The following GALNTL6 variants were observed in gnomAD, a reference collection of about 807,000 sequenced individuals.
GALNTL6 encodes polypeptide N-acetylgalactosaminyltransferase-like 6.
GALNTL6 carries 46 observed loss-of-function variants against 73.7 expected under a neutral mutation model. The observed-to-expected ratio is 0.62, with a 90% confidence interval of 0.49 to 0.80. The LOEUF (loss-of-function observed/expected upper bound fraction) is 0.80. Among genes scored for constraint, GALNTL6 ranks in the 30% least tolerant of loss-of-function variants. The probability of loss-of-function intolerance (pLI) is 0.00; values close to 1 mark genes in which losing one functional copy is unlikely to be tolerated. For synonymous variants in GALNTL6, 259 were observed against 263.7 expected (o/e 0.98, Z 0.17); for missense variants, 604 against 755.0 (o/e 0.80, Z 2.34).
intron 5 of GALNTL6, among the ~76,000 whole-genome samples, chr4:172,655,487 C>G (rs980124325): frequency 6.6e-6 from 1 of 152,132 alleles, no homozygotes; most frequent in Non-Finnish European, 1.5e-5. Flanking sequence ...TTTGATTAGG[C>G]ATTTTTATTA....
At chr4:172,178,728 A>G (rs1263993088) in intron 2 of GALNTL6, among the ~76,000 whole-genome samples, 37 of 137,584 alleles carry the variant, frequency 2.7e-4, no homozygotes, top group African/African-American at 1.0e-3. Context: ...ATATGTATAC[A>G]TGTGCCATGC....
chr4:172,514,180 C>G (rs1367001532), intron 5 of GALNTL6, among the ~76,000 whole-genome samples: 1 of 152,142 alleles, frequency 6.6e-6, no homozygotes, highest in Non-Finnish European at 1.5e-5. Context: ...GAGATTATGT[C>G]TTTTGTCTTC....
At chr4:172,699,812 AG>A (rs1326195706) in intron 5 of GALNTL6, among the ~76,000 whole-genome samples, 4 of 150,162 alleles carry the variant, frequency 2.7e-5, no homozygotes, top group Admixed American at 2.0e-4. Context: ...TATTACAAAA[AG>A]AAAAAGAAAA....
At chr4:171,990,837 G>A (rs1368959210) in intron 2 of GALNTL6, among the ~76,000 whole-genome samples, 1 of 152,118 alleles carries the variant, frequency 6.6e-6, no homozygotes, top group Non-Finnish European at 1.5e-5. Flanking sequence ...AAATTTGAAA[G>A]CAAATATTGT....
chr4:172,836,297 A>G (rs532848479), intron 7 of GALNTL6, among the ~76,000 whole-genome samples: 1 of 152,372 alleles, frequency 6.6e-6, no homozygotes, highest in South Asian at 2.1e-4. Flanking sequence ...TGACTACCAC[A>G]GCCAGGAAAG....
At chr4:172,117,984 G>A (rs116683644) in intron 2 of GALNTL6, among the ~76,000 whole-genome samples, 4,305 of 152,186 alleles carry the variant, frequency 0.028, 187 homozygotes, top group African/African-American at 0.096. Context: ...TGACACCCTA[G>A]GGTTATGGGT....
intron 5 of GALNTL6, among the ~76,000 whole-genome samples, chr4:172,670,874 C>T (rs1013475129): frequency 8.5e-5 from 13 of 152,068 alleles, no homozygotes; most frequent in African/African-American, 3.1e-4. Flanking sequence ...ATATGGCTAC[C>T]CAGTTATCCC....
At chr4:172,069,388 CAT>C (rs1241969338) in intron 2 of GALNTL6, among the ~76,000 whole-genome samples, 1 of 96,652 alleles carries the variant, frequency 1.0e-5, no homozygotes, top group Non-Finnish European at 2.2e-5. Flanking sequence ...TGTGTGTGTA[CAT>C]ATGTGTTATA....
In GALNTL6 at chr4:172,437,270, A is replaced by G. The variant is rs548471260; in HGVS notation, c.553+88581A>G. The stretch of plus-strand genomic sequence containing the variant: ...AAGGTTGTTAAAGCATAGTACTTAA[A>G]ACTGAACAGAAAGTTCAAGGTGAAT... On this transcript the variant is annotated intron_variant, in intron 5 of 12. Coordinates refer to ENST00000506823, the MANE Select transcript of GALNTL6 (RefSeq NM_001034845.3). Among the ~76,000 whole-genome samples, 47 of 152,250 alleles carry G rather than the reference A, an allele frequency of 3.1e-4. No individual in the cohort carries two copies. The South Asian group carries it at 9.1e-3, about 30-fold the overall frequency.
At chr4:172,623,323 C>T (rs1387701460) in intron 5 of GALNTL6, among the ~76,000 whole-genome samples, 1 of 151,890 alleles carries the variant, frequency 6.6e-6, no homozygotes, top group Non-Finnish European at 1.5e-5. Flanking sequence ...GAACTATGTG[C>T]TCTTTAAACT....
Position 172,619,047 on chromosome 4 carries a change from A to C in GALNTL6, c.554-190314A>C, listed in dbSNP as rs190747723. Among the ~76,000 whole-genome samples the C allele has an allele frequency of 2.4e-4, 36 of 152,254 alleles. 1 individual carries two copies. The East Asian group carries it at 4.1e-3, about 17-fold the overall frequency. Reference sequence around the variant, plus strand: ...AATCACTAATTTTTTTTAGTGGCCCAGTGTCTCCCTCTCTCTTCTTGGCTT... The same window carrying C: ...AATCACTAATTTTTTTTAGTGGCCCCGTGTCTCCCTCTCTCTTCTTGGCTT... On this transcript the variant is annotated intron_variant, in intron 5 of 12. Coordinates refer to ENST00000506823, the MANE Select transcript of GALNTL6 (RefSeq NM_001034845.3).
chr4:172,500,825 T>C (rs1321781154), intron 5 of GALNTL6, among the ~76,000 whole-genome samples: 3 of 152,166 alleles, frequency 2.0e-5, no homozygotes, highest in East Asian at 3.9e-4. Context: ...TATTTGACGG[T>C]TGAAGCAAAG....
intron 5 of GALNTL6, among the ~76,000 whole-genome samples, chr4:172,567,523 A>C (rs1013468011): frequency 6.6e-6 from 1 of 152,292 alleles, no homozygotes. Flanking sequence ...TGTATCAAAA[A>C]CAACTTTTCT....
chr4:172,044,432 G>A (rs1411990253), intron 2 of GALNTL6, among the ~76,000 whole-genome samples: 1 of 151,714 alleles, frequency 6.6e-6, no homozygotes, highest in African/African-American at 2.4e-5. Context: ...GTAGTGAGAA[G>A]CATTAAGAAA....
chr4:172,237,004 A>G lies in GALNTL6; in HGVS notation c.247+7240A>G, dbSNP rs116751404. 5.6e-3 allele frequency among the ~76,000 whole-genome samples: 852 copies of G among 152,314 alleles called. 12 individuals carry two copies. The highest frequency in any genetic ancestry group is 0.019 in the African/African-American group (798 of 41,550). ...TTCCTGCTTTAGTTTACTTGGGACA[A>G]TGGTCTCCAGCTCCATCCATGTTGC... On this transcript the variant is annotated intron_variant, in intron 3 of 12. Transcript: ENST00000506823.
At chr4:172,255,781 C>G (rs897448071) in intron 3 of GALNTL6, among the ~76,000 whole-genome samples, 1 of 151,070 alleles carries the variant, frequency 6.6e-6, no homozygotes, top group Non-Finnish European at 1.5e-5. Flanking sequence ...TCTCTAATAA[C>G]TATATTTTAT....
At chr4:172,531,759 C>A (rs903905109) in intron 5 of GALNTL6, among the ~76,000 whole-genome samples, 1 of 152,206 alleles carries the variant, frequency 6.6e-6, no homozygotes, top group African/African-American at 2.4e-5. Flanking sequence ...CTCTACTCCA[C>A]ACCTTTCCAT....
chr4:172,031,161 G>A (rs1409220843), intron 2 of GALNTL6, among the ~76,000 whole-genome samples: 1 of 152,068 alleles, frequency 6.6e-6, no homozygotes, highest in Non-Finnish European at 1.5e-5. Flanking sequence ...TTATGACTAA[G>A]ATCAAGTGTG....
chr4:172,928,854 C>T (rs1748187732), intron 8 of GALNTL6, among the ~76,000 whole-genome samples: 1 of 152,104 alleles, frequency 6.6e-6, no homozygotes, highest in South Asian at 2.1e-4. Flanking sequence ...AGCATTTATC[C>T]AGAAATTAGC....
Sources: gnomAD v4.1 joint callset for allele counts (sites outside exome capture counted in the v4.1 genomes callset) on GRCh38, gnomAD v4.1.1 for gene constraint, MANE v1.5 for transcripts, NCBI Gene and HGNC (gene_info 2026-07-23, HGNC 2026-07-21) for gene names.